GSN: variants seen among roughly 807,000 people sequenced by gnomAD.
The protein encoded by GSN is gelsolin, also known as actin-depolymerizing factor.
In GSN, 56 loss-of-function variants were observed where a neutral mutation model predicts 85.7. The observed-to-expected ratio is 0.65, with a 90% CI of 0.53 to 0.82. The LOEUF (loss-of-function observed/expected upper bound fraction) is 0.82, where lower values mean the gene tolerates loss of function less well. GSN is among the 40% of genes least tolerant of loss of function. The pLI, the probability that GSN is intolerant of heterozygous loss-of-function variation, is 0.00. For missense variants in GSN, 857 were observed against 979.8 expected (o/e 0.87, Z 1.67); for synonymous variants, 373 against 399.1 (o/e 0.93, Z 0.78).
intron 4 of GSN, among the ~76,000 whole-genome samples, chr9:121,217,225 G>T (rs911048211): frequency 1.3e-5 from 2 of 152,062 alleles, no homozygotes; most frequent in African/African-American, 4.8e-5. Flanking sequence ...AATTAGCTGG[G>T]TGTGGTGGTG....
At chr9:121,312,618 T>G in intron 6 of GSN, 130 bp downstream of exon 6, 1 of 730,368 alleles carries the variant, frequency 1.4e-6, no homozygotes. Context: ...TTTTTATTTT[T>G]AAAATACTTT....
At chr9:121,320,755 C>T (rs2062331718) in intron 10 of GSN, among the ~76,000 whole-genome samples, 1 of 152,108 alleles carries the variant, frequency 6.6e-6, no homozygotes. Context: ...ACAATAAGAG[C>T]AGCTGCCACC....
intron 5 of GSN, among the ~76,000 whole-genome samples, chr9:121,246,584 C>A (rs1251846958): frequency 1.3e-5 from 2 of 152,120 alleles, no homozygotes; most frequent in African/African-American, 2.4e-5. Flanking sequence ...ATTCAGAATT[C>A]TAGGACAGAA....
intron 14 of GSN, 150 bp from the exon 15 acceptor site, chr9:121,328,741 C>T: frequency 1.2e-6 from 1 of 858,384 alleles, no homozygotes; most frequent in Admixed American, 1.9e-5. Flanking sequence ...CCTCAGGCCT[C>T]TTCCCTCTGG....
chr9:121,270,969 C>T (rs563326929), intron 1 of GSN, among the ~76,000 whole-genome samples: 4 of 152,302 alleles, frequency 2.6e-5, no homozygotes, highest in South Asian at 2.1e-4. Context: ...TGGAAATGGA[C>T]CCCCAGTCTT....
At chr9:121,236,963 A>G (rs142721033) in intron 5 of GSN, among the ~76,000 whole-genome samples, 1 of 152,352 alleles carries the variant, frequency 6.6e-6, no homozygotes, top group African/African-American at 2.4e-5. Context: ...CACTGTTCAC[A>G]TGTCAGAATG....
At chr9:121,301,712 A>T (rs556864885) in intron 2 of GSN, among the ~76,000 whole-genome samples, 8 of 152,240 alleles carry the variant, frequency 5.3e-5, no homozygotes, top group African/African-American at 1.9e-4. Flanking sequence ...ATCACCAGAA[A>T]AAGCTGAAGA....
intron 4 of GSN, among the ~76,000 whole-genome samples, chr9:121,217,365 C>CA (rs34095254): frequency 0.37 from 49,707 of 136,100 alleles, 10,262 homozygotes; most frequent in East Asian, 0.61. Context: ...AACTCCGTCT[C>CA]AAAAAAAAAA....
chr9:121,283,743 G>A (rs745868000), intron 2 of GSN: 1 of 167,064 alleles, frequency 6.0e-6, no homozygotes. Context: ...TAGGCTCTGA[G>A]CTGGGTGTTG....
intron 2 of GSN, among the ~76,000 whole-genome samples, chr9:121,291,673 G>T (rs915970411): frequency 6.6e-6 from 1 of 152,048 alleles, no homozygotes; most frequent in African/African-American, 2.4e-5. Flanking sequence ...ACCTGCCTCC[G>T]TCTCCCAAAG....
chr9:121,282,077 G>T, intron 2 of GSN: 1 of 467,792 alleles, frequency 2.1e-6, no homozygotes, highest in Non-Finnish European at 4.4e-6. Flanking sequence ...TGGCAGGGTG[G>T]GGCCCACCTG....
chr9:121,301,989 C>T lies in GSN; in HGVS notation c.18C>T (p.Pro6=), dbSNP rs771601417. The change falls in exon 3 of 18, where the codon CCC becomes CCT. Residue 6 remains proline, a synonymous_variant. Coordinates refer to ENST00000432226, the MANE Select transcript of GSN (RefSeq NM_198252.3). MVVEH[P]EFLKAGKEPG... The stretch of plus-strand genomic sequence containing the variant: ...CCAACAGCATGGTGGTGGAACACCC[C>T]GAGTTCCTCAAGGCAGGGAAGGAGC... The T allele has an allele frequency of 2.4e-5, 38 of 1,614,150 alleles. No individual in the cohort carries two copies. Among genetic ancestry groups the T allele is most frequent in the African/African-American group, 6.7e-5 (5 of 75,062 alleles).
chr9:121,282,620 G>A (rs1050003523), intron 2 of GSN: 36 of 819,534 alleles, frequency 4.4e-5, no homozygotes, highest in East Asian at 1.3e-4. Context: ...AAGGTCTGCC[G>A]GGCCCAGAAA....
chr9:121,332,726 T>C lies in GSN; in HGVS notation c.*123T>C. ...TGTGTGTGTGTGTGTGTGTTGTTTC[T>C]TTTTTTTTTTTTTACAGTATCCAAA... is the stretch of plus-strand genomic sequence containing the variant. On this transcript the variant is annotated 3_prime_UTR_variant, in exon 18 of 18. Coordinates refer to ENST00000432226, the MANE Select transcript of GSN (RefSeq NM_198252.3). The surrounding 1 kb of genome is among the most constrained non-coding windows in gnomAD (Gnocchi z 4.8). The C allele has an allele frequency of 6.9e-6, 1 of 144,520 alleles. No individual in the cohort carries two copies. Among genetic ancestry groups the C allele is most frequent in the Non-Finnish European group, 1.4e-5 (1 of 73,226 alleles). 9.0% of individuals were successfully genotyped at this position (144,520 alleles called of 1,614,324 possible).
intron 5 of GSN, chr9:121,248,237 A>C (rs2132227979): frequency 6.6e-6 from 1 of 152,000 alleles, no homozygotes; most frequent in East Asian, 1.9e-4. Context: ...CTGGAGTGCA[A>C]TGATGCAATC....
intron 4 of GSN, among the ~76,000 whole-genome samples, chr9:121,304,091 T>C (rs1485497275): frequency 1.3e-5 from 2 of 152,230 alleles, no homozygotes; most frequent in African/African-American, 4.8e-5. Context: ...GTGCTGCTGA[T>C]GTGCTGTGTG....
chr9:121,279,623 G>A (rs570657569), intron 1 of GSN, among the ~76,000 whole-genome samples: 72 of 152,172 alleles, frequency 4.7e-4, no homozygotes, highest in African/African-American at 1.7e-3. Flanking sequence ...TCCACCGGGT[G>A]GATGGTGGAT....
intron 4 of GSN, among the ~76,000 whole-genome samples, chr9:121,218,032 T>C (rs574696579): frequency 2.7e-4 from 41 of 152,250 alleles, no homozygotes; most frequent in Non-Finnish European, 5.4e-4. Flanking sequence ...TTATTCATTC[T>C]TTTTATGTAT....
intron 5 of GSN, among the ~76,000 whole-genome samples, chr9:121,236,764 A>T (rs2054502698): frequency 6.6e-6 from 1 of 152,208 alleles, no homozygotes; most frequent in East Asian, 1.9e-4. Context: ...ATAAAACTCC[A>T]AAACTTCTAA....
Sources: gnomAD v4.1 joint callset for allele counts (sites outside exome capture counted in the v4.1 genomes callset) on GRCh38, gnomAD v4.1.1 for gene constraint, Gnocchi (gnomAD v3.1) non-coding constraint, MANE v1.5 for transcripts, NCBI Gene and HGNC (gene_info 2026-07-23, HGNC 2026-07-21) for gene names.